The following AFF3 variants were observed in gnomAD, a reference collection of about 807,000 sequenced individuals.
AFF3 encodes the protein ALF transcription elongation factor 3.
Under a neutral mutation model 129.7 loss-of-function variants are expected in AFF3, and 32 were observed. The ratio of observed to expected loss-of-function variants is 0.25; its 90% CI spans 0.19 to 0.33. The LOEUF (loss-of-function observed/expected upper bound fraction) is 0.33. Ranked by LOEUF, AFF3 falls within the 10% of genes least tolerant of loss-of-function variation. The pLI, the probability that AFF3 is intolerant of heterozygous loss-of-function variation, is 1.00. For synonymous variants in AFF3, 644 were observed against 635.4 expected, an observed-to-expected ratio of 1.01 and a Z score of -0.20; for missense variants, 1,373 against 1,592.0, an observed-to-expected ratio of 0.86 and a Z score of 2.34.
chr2:99,895,062 A>G (rs1001026671), intron 7 of AFF3, among the ~76,000 whole-genome samples: 2 of 152,180 alleles, frequency 1.3e-5, no homozygotes, highest in Non-Finnish European at 2.9e-5. Context: ...GACACATGAG[A>G]AACCACACCA....
chr2:99,600,705 G>C (rs1679747021), intron 14 of AFF3, among the ~76,000 whole-genome samples: 2 of 152,164 alleles, frequency 1.3e-5, no homozygotes, highest in South Asian at 4.1e-4. Context: ...GAGCTCTGCA[G>C]CCTGGGGAAG....
At chr2:99,818,795 G>A (rs927099233) in intron 8 of AFF3, among the ~76,000 whole-genome samples, 28 of 152,080 alleles carry the variant, frequency 1.8e-4, no homozygotes, top group Admixed American at 2.6e-4. Context: ...TAGAAATATA[G>A]TATACTAGAA....
At position 99,593,439 on chromosome 2, in the gene AFF3, T is replaced by C; in HGVS notation, c.2222A>G (p.Gln741Arg). 1 of 1,614,048 alleles carries C rather than the reference T, an allele frequency of 6.2e-7. No individual in the cohort carries two copies. Among genetic ancestry groups the C allele is most frequent in the Non-Finnish European group, 8.5e-7 (1 of 1,179,998 alleles). ...TSDIAKELEE[Q>R]FYTLVPFGRN... Reference sequence around the variant, plus strand: ...GCCAAAGGGGACCAGTGTGTAGAACTGCTCCTCCAGCTCCTTGGCGATGTC... The same window carrying C: ...GCCAAAGGGGACCAGTGTGTAGAACCGCTCCTCCAGCTCCTTGGCGATGTC... Residue 741 changes from glutamine (Q) to arginine (R), a missense_variant, in exon 15 of 25, where the codon CAG becomes CGG. This residue lies in a region of AFF3 where 466 missense variants were observed against 505.0 expected (regional missense o/e 0.92). Transcript: ENST00000672756.
intron 10 of AFF3, among the ~76,000 whole-genome samples, chr2:99,742,723 G>A (rs1373979865): frequency 6.6e-6 from 1 of 152,170 alleles, no homozygotes; most frequent in Non-Finnish European, 1.5e-5. Flanking sequence ...AAAATGACTC[G>A]TTATTAGCCT....
intron 7 of AFF3, among the ~76,000 whole-genome samples, chr2:99,884,987 G>A (rs903539050): frequency 2.0e-5 from 3 of 152,022 alleles, no homozygotes; most frequent in Non-Finnish European, 4.4e-5. Flanking sequence ...ACTGCCCACC[G>A]CTTCCAAACA....
At chr2:100,011,134 G>A (rs1368227147) in intron 4 of AFF3, among the ~76,000 whole-genome samples, 2 of 152,068 alleles carry the variant, frequency 1.3e-5, no homozygotes, top group African/African-American at 2.4e-5. Context: ...ATTAGCCAGG[G>A]GCGGTGGTGG....
chr2:99,902,411 A>G (rs2106150752), intron 7 of AFF3, among the ~76,000 whole-genome samples: 1 of 152,256 alleles, frequency 6.6e-6, no homozygotes, highest in South Asian at 2.1e-4. Context: ...ATACACAAAC[A>G]CACACCGCGC....
chr2:99,999,676 G>A lies in AFF3; in HGVS notation c.873+6956C>T, dbSNP rs1681202207. On this transcript the variant is annotated intron_variant, in intron 7 of 24. Transcript: ENST00000672756. ...TTATGAGTGTGAATTGTTTCTGAGGGCTATGTGCCAGCCACCGTGCTAAGC... is the reference window on the plus strand; with the variant it reads ...TTATGAGTGTGAATTGTTTCTGAGGACTATGTGCCAGCCACCGTGCTAAGC... 2.0e-5 allele frequency among the ~76,000 whole-genome samples: 3 copies of A among 152,152 alleles called. No homozygotes were observed. The South Asian group carries it at 6.2e-4, about 32-fold the overall frequency.
intron 8 of AFF3, among the ~76,000 whole-genome samples, chr2:99,763,787 T>A (rs1406286422): frequency 6.6e-6 from 1 of 152,164 alleles, no homozygotes; most frequent in East Asian, 1.9e-4. Context: ...TAGCAAAATC[T>A]TGTTTCTTCA....
intron 11 of AFF3, among the ~76,000 whole-genome samples, chr2:99,690,619 C>T (rs911925849): frequency 6.6e-6 from 1 of 152,060 alleles, no homozygotes; most frequent in Admixed American, 6.6e-5. Context: ...CGGCTTCGAT[C>T]GGTTGTATGG....
intron 7 of AFF3, 98 bp from the exon 8 acceptor site, chr2:99,837,622 T>C: frequency 9.0e-7 from 1 of 1,107,368 alleles, no homozygotes; most frequent in Non-Finnish European, 1.3e-6. Context: ...AACAAAAAAA[T>C]TCAGCGAGTT....
At chr2:99,955,404 CA>C (rs1386839325) in intron 7 of AFF3, among the ~76,000 whole-genome samples, 4 of 152,102 alleles carry the variant, frequency 2.6e-5, no homozygotes, top group Non-Finnish European at 5.9e-5. Context: ...ACTGTGAACT[CA>C]AGATGTTTTG....
chr2:99,782,166 AGT>A (rs1684464673), intron 8 of AFF3, among the ~76,000 whole-genome samples: 1 of 152,218 alleles, frequency 6.6e-6, no homozygotes, highest in Admixed American at 6.5e-5. Flanking sequence ...GCATGAAGAC[AGT>A]TTTCTTTTGG....
At chr2:99,996,342 C>T (rs1456800318) in intron 7 of AFF3, among the ~76,000 whole-genome samples, 1 of 152,060 alleles carries the variant, frequency 6.6e-6, no homozygotes. Context: ...TTAACCAAAA[C>T]ATTAACTGTG....
At chr2:99,749,475 C>A (rs1681449198) in intron 9 of AFF3, among the ~76,000 whole-genome samples, 1 of 152,154 alleles carries the variant, frequency 6.6e-6, no homozygotes, top group African/African-American at 2.4e-5. Context: ...AAAAGTTGTA[C>A]TTATACCATG....
intron 7 of AFF3, among the ~76,000 whole-genome samples, chr2:99,851,887 T>C (rs1690171780): frequency 6.6e-6 from 1 of 152,130 alleles, no homozygotes; most frequent in African/African-American, 2.4e-5. Flanking sequence ...ACCTTCAATA[T>C]TAACGTTTTT....
At chr2:99,896,945 T>G (rs1393150068) in intron 7 of AFF3, among the ~76,000 whole-genome samples, 1 of 152,156 alleles carries the variant, frequency 6.6e-6, no homozygotes, top group Non-Finnish European at 1.5e-5. Context: ...CTGTGCATTC[T>G]TATTTCATAG....
chr2:99,943,298 C>A (rs1410462155), intron 7 of AFF3, among the ~76,000 whole-genome samples: 1 of 152,204 alleles, frequency 6.6e-6, no homozygotes, highest in East Asian at 1.9e-4. Flanking sequence ...CAGGCATGAC[C>A]ATGCTGGACA....
chr2:99,727,159 A>C (rs771972778), intron 10 of AFF3, 31 bp from the exon 11 acceptor site: 2 of 1,590,152 alleles, frequency 1.3e-6, no homozygotes, highest in Non-Finnish European at 1.7e-6. Context: ...AAATACCGAC[A>C]TATGAGTCTT....
Sources: gnomAD v4.1 joint callset for allele counts (sites outside exome capture counted in the v4.1 genomes callset) on GRCh38, gnomAD v4.1.1 for gene constraint, gnomAD v4.1.1 regional missense constraint, MANE v1.5 for transcripts, NCBI Gene and HGNC (gene_info 2026-07-23, HGNC 2026-07-21) for gene names.